Variants in DGKD observed in about 807,000 individuals in gnomAD.
DGKD encodes the protein DAG kinase delta.
A neutral mutation model predicts 154.4 loss-of-function variants in DGKD; 68 were observed. The ratio of observed to expected loss-of-function variants is 0.44; its 90% CI spans 0.36 to 0.54. The LOEUF is 0.54. Ranked by LOEUF, DGKD falls within the 20% of genes least tolerant of loss-of-function variation. The probability of loss-of-function intolerance (pLI) is 0.00; values close to 1 mark genes in which losing one functional copy is unlikely to be tolerated. For synonymous variants in DGKD, 693 were observed against 638.0 expected (o/e 1.09, Z -1.30); for missense variants, 1,343 against 1,593.6 (o/e 0.84, Z 2.68).
intron 10 of DGKD, 125 bp downstream of exon 10, chr2:233,442,120 T>TC: frequency 1.1e-6 from 1 of 941,828 alleles, no homozygotes; most frequent in Non-Finnish European, 1.7e-6. Context: ...ATTGGTGGTT[T>TC]TGGGGAGTGT....
intron 1 of DGKD, among the ~76,000 whole-genome samples, chr2:233,356,773 G>A (rs1377319123): frequency 6.6e-6 from 1 of 151,916 alleles, no homozygotes. Context: ...GTTGTTAAGA[G>A]ATTGTCAGAA....
chr2:233,377,132 G>C (rs1702619834), intron 1 of DGKD, among the ~76,000 whole-genome samples: 1 of 148,960 alleles, frequency 6.7e-6, no homozygotes, highest in South Asian at 2.1e-4. Context: ...ACCCAGGCAG[G>C]AGAGCAATGG....
intron 10 of DGKD, among the ~76,000 whole-genome samples, chr2:233,444,823 A>G (rs1575134800): frequency 6.6e-6 from 1 of 150,984 alleles, no homozygotes; most frequent in African/African-American, 2.4e-5. Context: ...TGTAGGCTGG[A>G]CCACGGCAGG....
intron 24 of DGKD, 49 bp downstream of exon 24, chr2:233,460,394 T>C (rs780536841): frequency 5.6e-6 from 9 of 1,603,688 alleles, no homozygotes; most frequent in Middle Eastern, 1.7e-4. Context: ...CCAGGGTCCC[T>C]GGGACTGCAC....
chr2:233,466,569 G>A (rs2063829250), intron 27 of DGKD, among the ~76,000 whole-genome samples: 1 of 152,066 alleles, frequency 6.6e-6, no homozygotes, highest in Admixed American at 6.6e-5. Context: ...TGCCGCCGCC[G>A]ATGGCTGTCA....
chr2:233,407,987 T>C (rs1401625236), intron 3 of DGKD, among the ~76,000 whole-genome samples: 1 of 152,142 alleles, frequency 6.6e-6, no homozygotes, highest in Non-Finnish European at 1.5e-5. Flanking sequence ...GGATTTCAGA[T>C]ATTTTCTGGG....
intron 3 of DGKD, among the ~76,000 whole-genome samples, chr2:233,411,519 ATTTT>A (rs1053573039): frequency 2.0e-5 from 3 of 151,906 alleles, no homozygotes; most frequent in Non-Finnish European, 4.4e-5. Flanking sequence ...ACATTTATCC[ATTTT>A]TTTAATTGGG....
intron 16 of DGKD, among the ~76,000 whole-genome samples, chr2:233,450,480 G>A (rs188484276): frequency 2.3e-4 from 35 of 152,228 alleles, no homozygotes; most frequent in African/African-American, 7.7e-4. Context: ...GAGGGAAGGC[G>A]GGTGGGTGAG....
At chr2:233,414,240 C>G (rs887699542) in intron 3 of DGKD, among the ~76,000 whole-genome samples, 1 of 152,226 alleles carries the variant, frequency 6.6e-6, no homozygotes, top group Admixed American at 6.5e-5. Context: ...AGACTGCATT[C>G]AGGTCCCCAG....
chr2:233,453,834 A>AATGAG (rs3841856), intron 18 of DGKD, among the ~76,000 whole-genome samples: 25,078 of 152,072 alleles, frequency 0.16, 2,766 homozygotes, highest in African/African-American at 0.31. Flanking sequence ...AAGAAACTTG[A>AATGAG]ATGAGTCTCT....
At chr2:233,453,958 T>G (rs2063374145) in intron 18 of DGKD, among the ~76,000 whole-genome samples, 1 of 152,258 alleles carries the variant, frequency 6.6e-6, no homozygotes, top group African/African-American at 2.4e-5. Flanking sequence ...ACTAGGGATG[T>G]TTGAGAAATG....
At position 233,448,082 on chromosome 2, in the gene DGKD, T is replaced by C; in HGVS notation, c.1420-5T>C. On this transcript the variant is annotated splice_polypyrimidine_tract_variant and splice_region_variant and intron_variant, in intron 12 of 29. Coordinates refer to ENST00000264057, the MANE Select transcript of DGKD (RefSeq NM_152879.3). ...AACAGTCCTGGCCATTTGGGGTGATTGCAGGTACAGCAGATTCTCTTCTAT... is the reference window on the plus strand; with the variant it reads ...AACAGTCCTGGCCATTTGGGGTGATCGCAGGTACAGCAGATTCTCTTCTAT... 1 of 1,614,018 alleles carries C rather than the reference T, an allele frequency of 6.2e-7. No individual in the cohort carries two copies. Among genetic ancestry groups the C allele is most frequent in the Non-Finnish European group, 8.5e-7 (1 of 1,180,004 alleles).
chr2:233,442,755 G>T (rs1167718235), intron 10 of DGKD, among the ~76,000 whole-genome samples: 2 of 152,082 alleles, frequency 1.3e-5, no homozygotes. Context: ...ACAGGCGCAC[G>T]CTACCACGCC....
intron 1 of DGKD, among the ~76,000 whole-genome samples, chr2:233,366,476 A>T (rs930045218): frequency 2.0e-5 from 3 of 152,098 alleles, no homozygotes. Context: ...GATGAGCTGG[A>T]TAATGGAACT....
intron 26 of DGKD, 29 bp from the exon 27 acceptor site, chr2:233,464,135 T>TTCTC: frequency 6.2e-7 from 1 of 1,612,910 alleles, no homozygotes; most frequent in Middle Eastern, 1.7e-4. Flanking sequence ...CACTCTCCAT[T>TTCTC]TCTCTCTCCC....
chr2:233,423,758 C>T (rs976215534), intron 3 of DGKD, among the ~76,000 whole-genome samples: 6 of 152,120 alleles, frequency 3.9e-5, no homozygotes, highest in Non-Finnish European at 7.3e-5. Flanking sequence ...TGACTGCCCC[C>T]TTCCTGGATC....
At chr2:233,364,882 T>TATTAA (rs1445647152) in intron 1 of DGKD, among the ~76,000 whole-genome samples, 6 of 152,122 alleles carry the variant, frequency 3.9e-5, no homozygotes, top group African/African-American at 1.4e-4. Context: ...GAGATACGTT[T>TATTAA]AAAACATAAG....
intron 3 of DGKD, among the ~76,000 whole-genome samples, chr2:233,409,790 T>C (rs1334919989): frequency 5.8e-5 from 1 of 17,148 alleles, no homozygotes; most frequent in Non-Finnish European, 1.2e-4. Context: ...CCATACCGTT[T>C]TTTTTTTTTT....
At chr2:233,434,965 T>A in intron 5 of DGKD, 64 bp downstream of exon 5, 1 of 1,560,962 alleles carries the variant, frequency 6.4e-7, no homozygotes, top group East Asian at 2.3e-5. Context: ...GATAAAGCCT[T>A]GGAAATCCAA....
Sources: allele counts gnomAD v4.1 joint callset (sites outside exome capture counted in the v4.1 genomes callset), GRCh38; gene constraint gnomAD v4.1.1; transcripts MANE v1.5; gene names NCBI Gene and HGNC (gene_info 2026-07-23, HGNC 2026-07-21).